Variants in ZBTB16 observed in about 807,000 individuals in gnomAD.
ZBTB16 encodes zinc finger and BTB domain containing 16.
ZBTB16 carries 8 observed loss-of-function variants against 56.8 expected under a neutral mutation model. That is an observed-to-expected ratio of 0.14 (90% CI 0.08 to 0.25). The LOEUF (loss-of-function observed/expected upper bound fraction) is 0.25, where lower values mean the gene tolerates loss of function less well. ZBTB16 is among the 10% of genes least tolerant of loss of function. The probability of loss-of-function intolerance (pLI) is 1.00; values close to 1 mark genes in which losing one functional copy is unlikely to be tolerated. For synonymous variants in ZBTB16, 363 were observed against 368.5 expected (o/e 0.98, Z 0.17); for missense variants, 625 against 903.0 (o/e 0.69, Z 3.95).
chr11:114,256,718 C>T lies in ZBTB16; in HGVS notation c.*6163C>T, dbSNP rs544000400. The stretch of plus-strand genomic sequence containing the variant: ...GGGGAGGGGATGGGTGGGAGGTGGC[C>T]GTGCAAGCTCTGCATTGTCATGGAC... On this transcript the variant is annotated 3_prime_UTR_variant, in exon 7 of 7. Coordinates refer to ENST00000335953, the MANE Select transcript of ZBTB16 (RefSeq NM_006006.6). Among the ~76,000 whole-genome samples, 3 of 152,116 alleles carry T rather than the reference C, an allele frequency of 2.0e-5. No homozygotes were observed. The highest frequency in any genetic ancestry group is 7.2e-5 in the African/African-American group (3 of 41,424).
chr11:114,092,969 G>C (rs1490646045), intron 2 of ZBTB16, among the ~76,000 whole-genome samples: 1 of 152,082 alleles, frequency 6.6e-6, no homozygotes, highest in African/African-American at 2.4e-5. Flanking sequence ...TAAAGTTTGA[G>C]GTTGTAGAAT....
At chr11:114,181,727 T>G (rs503434) in intron 3 of ZBTB16, among the ~76,000 whole-genome samples, 99,044 of 151,964 alleles carry the variant, frequency 0.65, 33,997 homozygotes, top group African/African-American at 0.87. Context: ...TCCTGCTATT[T>G]TTCTCGGTTT....
At chr11:114,211,279 G>A (rs1943993886) in intron 4 of ZBTB16, among the ~76,000 whole-genome samples, 1 of 152,124 alleles carries the variant, frequency 6.6e-6, no homozygotes, top group Non-Finnish European at 1.5e-5. Flanking sequence ...CATAGACTTG[G>A]TGGTGTGGGG....
At chr11:114,137,729 C>T (rs911171564) in intron 2 of ZBTB16, among the ~76,000 whole-genome samples, 4 of 151,804 alleles carry the variant, frequency 2.6e-5, no homozygotes, top group Admixed American at 2.6e-4. Flanking sequence ...TTTTTTTGGG[C>T]AGAGGGAATA....
chr11:114,171,966 G>C (rs1942980594), intron 3 of ZBTB16, among the ~76,000 whole-genome samples: 2 of 152,200 alleles, frequency 1.3e-5, no homozygotes, highest in South Asian at 4.1e-4. Flanking sequence ...AAAGCACCCT[G>C]CCTGAGAAGG....
chr11:114,244,365 TG>T (rs1187381966), intron 5 of ZBTB16, among the ~76,000 whole-genome samples: 17 of 80,498 alleles, frequency 2.1e-4, no homozygotes, highest in Non-Finnish European at 2.7e-4. Context: ...AAGGACAGAT[TG>T]GGGGGGGCGG....
intron 2 of ZBTB16, among the ~76,000 whole-genome samples, chr11:114,155,938 C>T (rs1251229586): frequency 1.3e-5 from 2 of 152,196 alleles, no homozygotes; most frequent in East Asian, 1.9e-4. Flanking sequence ...TCACAGTCAC[C>T]ACCCGGGAAA....
chr11:114,118,205 C>T (rs536246340), intron 2 of ZBTB16, among the ~76,000 whole-genome samples: 30 of 152,324 alleles, frequency 2.0e-4, no homozygotes, highest in African/African-American at 6.5e-4. Flanking sequence ...GAGACAGAGG[C>T]TCGCTCTGTT....
intron 2 of ZBTB16, among the ~76,000 whole-genome samples, chr11:114,083,326 C>T (rs1221644790): frequency 6.6e-6 from 1 of 152,190 alleles, no homozygotes; most frequent in Non-Finnish European, 1.5e-5. Context: ...ATAAATTAAA[C>T]TTCAACCTGC....
At chr11:114,125,590 G>A (rs745536974) in intron 2 of ZBTB16, among the ~76,000 whole-genome samples, 30 of 151,998 alleles carry the variant, frequency 2.0e-4, no homozygotes, top group Middle Eastern at 3.4e-3. Flanking sequence ...CCTGCAGAAG[G>A]GGCCTGTCTT....
chr11:114,143,957 C>T lies in ZBTB16; in HGVS notation c.1269-12380C>T, dbSNP rs1483935077. ...TGGTATTATGCATTTCCTGTGTGCT[C>T]GGGAGCCTTGCGTGTAAGGAGCAAG... On this transcript the variant is annotated intron_variant, in intron 2 of 6. Coordinates refer to ENST00000335953, the MANE Select transcript of ZBTB16 (RefSeq NM_006006.6). This position sits in a 1 kb window ranked among gnomAD's most constrained non-coding sequence, Gnocchi z 6.4. Among the ~76,000 whole-genome samples, 5 of 152,092 alleles carry T rather than the reference C, an allele frequency of 3.3e-5. No individual in the cohort carries two copies. The highest frequency in any genetic ancestry group is 7.4e-5 in the Non-Finnish European group (5 of 68,020).
chr11:114,119,147 C>G (rs1049515860), intron 2 of ZBTB16, among the ~76,000 whole-genome samples: 27 of 151,018 alleles, frequency 1.8e-4, no homozygotes, highest in African/African-American at 6.6e-4. Context: ...GTGCCTTAGT[C>G]CCAGATACCT....
intron 2 of ZBTB16, among the ~76,000 whole-genome samples, chr11:114,077,183 C>T (rs559660603): frequency 6.6e-6 from 1 of 152,234 alleles, no homozygotes; most frequent in Admixed American, 6.5e-5. Flanking sequence ...TCATTCTGGC[C>T]AGCCCTGGAT....
rs988029422 is a variant in ZBTB16, at chr11:114,252,786, G to A, written c.*2231G>A. Among the ~76,000 whole-genome samples the A allele has an allele frequency of 7.3e-5, 11 of 151,470 alleles. No homozygotes were observed. The highest frequency in any genetic ancestry group is 2.6e-4 in the Admixed American group (4 of 15,224). ...TGGGTGCTGCTGCGACGACCCCCCC[G>A]TCCCTCGGCCCCAGCCCTCCTGCCC... On this transcript the variant is annotated 3_prime_UTR_variant, in exon 7 of 7. Transcript: ENST00000335953.
intron 2 of ZBTB16, among the ~76,000 whole-genome samples, chr11:114,096,780 A>G (rs1207538514): frequency 1.3e-5 from 2 of 152,224 alleles, no homozygotes; most frequent in Admixed American, 6.5e-5. Flanking sequence ...TTCCCGCTTC[A>G]GCGACATTGT....
chr11:114,127,456 C>T, intron 2 of ZBTB16, among the ~76,000 whole-genome samples: 1 of 152,188 alleles, frequency 6.6e-6, no homozygotes, highest in East Asian at 1.9e-4. Flanking sequence ...TAGAGAACCA[C>T]TGTAATGGTC....
chr11:114,224,398 G>C (rs899223461), intron 4 of ZBTB16, among the ~76,000 whole-genome samples: 1 of 152,070 alleles, frequency 6.6e-6, no homozygotes, highest in African/African-American at 2.4e-5. Flanking sequence ...AAGAATACAA[G>C]AAAAAAGAGC....
At position 114,235,519 on chromosome 11, in the gene ZBTB16, C is replaced by T. The variant is rs983730086; in HGVS notation, c.1454-6648C>T. Reference sequence around the variant, plus strand: ...TTTTGTGTTTCATAATTTCAGACCCCGTCATCACCTGGGTGAAATACCCTA... The same window carrying T: ...TTTTGTGTTTCATAATTTCAGACCCTGTCATCACCTGGGTGAAATACCCTA... On this transcript the variant is annotated intron_variant, in intron 4 of 6. Coordinates refer to ENST00000335953, the MANE Select transcript of ZBTB16 (RefSeq NM_006006.6). 2.0e-5 allele frequency among the ~76,000 whole-genome samples: 3 copies of T among 152,270 alleles called. No individual in the cohort carries two copies. In the East Asian group the frequency reaches 5.8e-4, roughly 29 times the overall value.
chr11:114,253,773 T>C lies in ZBTB16; in HGVS notation c.*3218T>C, dbSNP rs1459329925. Among the ~76,000 whole-genome samples the C allele has an allele frequency of 6.6e-6, 1 of 152,232 alleles. No individual in the cohort carries two copies. Among genetic ancestry groups the C allele is most frequent in the African/African-American group, 2.4e-5 (1 of 41,462 alleles). On this transcript the variant is annotated 3_prime_UTR_variant, in exon 7 of 7. Coordinates refer to ENST00000335953, the MANE Select transcript of ZBTB16 (RefSeq NM_006006.6). ...AGAACAGTTCTAATGTTGCACGGCC[T>C]AGTGGCCAGGGGGCAAGCTAAGAGG...
Sources: allele counts gnomAD v4.1 joint callset (sites outside exome capture counted in the v4.1 genomes callset), GRCh38; gene constraint gnomAD v4.1.1; non-coding constraint Gnocchi (gnomAD v3.1); transcripts MANE v1.5; gene names NCBI Gene and HGNC (gene_info 2026-07-23, HGNC 2026-07-21).